TCF12: variants seen among roughly 807,000 people sequenced by gnomAD.
The protein encoded by TCF12 is transcription factor 12.
Under a neutral mutation model 86.0 loss-of-function variants are expected in TCF12, and 45 were observed. The observed-to-expected ratio is 0.52, with a 90% CI of 0.41 to 0.67. The LOEUF (loss-of-function observed/expected upper bound fraction) is 0.67, where lower values mean the gene tolerates loss of function less well. Among genes scored for constraint, TCF12 ranks in the 30% least tolerant of loss-of-function variants. The pLI is 0.00. For synonymous variants in TCF12, 330 were observed against 299.6 expected (o/e 1.10, Z -1.05); for missense variants, 881 against 859.9 (o/e 1.02, Z -0.31).
At chr15:57,261,984 T>C (rs1393025220) in intron 16 of TCF12, 110 bp from the exon 17 acceptor site, 3 of 626,060 alleles carry the variant, frequency 4.8e-6, no homozygotes, top group Admixed American at 3.5e-5. Context: ...GTTGCTGAAA[T>C]CAGATGAGTG....
chr15:57,219,597 CT>C, intron 8 of TCF12: 2 of 1,611,182 alleles, frequency 1.2e-6, no homozygotes, highest in South Asian at 2.2e-5. Flanking sequence ...AACGGTAAGC[CT>C]TTTTCTTTGT....
At chr15:56,962,209 G>A (rs2061794671) in intron 3 of TCF12, among the ~76,000 whole-genome samples, 1 of 151,704 alleles carries the variant, frequency 6.6e-6, no homozygotes, top group African/African-American at 2.4e-5. Flanking sequence ...AGCTTCAGTA[G>A]TTAATTTTAG....
rs1188467864 is a variant in TCF12 at position 57,288,692 on chromosome 15, T to A, written c.*2547T>A. On this transcript the variant is annotated 3_prime_UTR_variant, in exon 21 of 21. Coordinates refer to ENST00000333725, the MANE Select transcript of TCF12 (RefSeq NM_207037.2). ...GTGGAGCTAAGTTGGCAATCTGGTC[T>A]AGAGCTTCTCTAGCTTGTGCTTTTC... 6.6e-6 allele frequency: 1 copy of A among 152,258 alleles called. No individual in the cohort carries two copies. Among genetic ancestry groups the A allele is most frequent in the Non-Finnish European group, 1.5e-5 (1 of 68,040 alleles). 9.4% of individuals were successfully genotyped at this position (152,258 alleles called of 1,614,324 possible).
downstream of TCF12, chr15:57,289,858 C>T (rs1304459749): frequency 6.6e-6 from 1 of 152,048 alleles, no homozygotes; most frequent in Non-Finnish European, 1.5e-5. Flanking sequence ...AACCAACTCC[C>T]AGGATGATTC....
At chr15:57,021,390 C>T (rs1412378573) in intron 3 of TCF12, among the ~76,000 whole-genome samples, 11 of 152,156 alleles carry the variant, frequency 7.2e-5, no homozygotes, top group South Asian at 2.1e-4. Context: ...CGGTGGCTCA[C>T]GCCTGTAATC....
rs59793819 is a variant in TCF12 at position 57,024,216 on chromosome 15, CTTTTTTTTTT to C, written c.149-39519_149-39510del. Among the ~76,000 whole-genome samples the C allele has an allele frequency of 6.9e-3, 769 of 111,302 alleles. 14 individuals carry two copies. Among genetic ancestry groups the C allele is most frequent in the African/African-American group, 0.022 (720 of 32,026 alleles). 73.0% of individuals were successfully genotyped at this position (111,302 alleles called of 152,430 possible). On this transcript the variant is annotated intron_variant, in intron 3 of 20. Coordinates refer to ENST00000333725, the MANE Select transcript of TCF12 (RefSeq NM_207037.2). ...TGAGGACCCATACTCAAAAAAGTGT[CTTTTTTTTTT>C]TTTTTTTTTTTTTTGAGACGGAGTC... is the stretch of plus-strand genomic sequence containing the variant.
chr15:57,272,753 T>C (rs998396884), intron 18 of TCF12, among the ~76,000 whole-genome samples: 1 of 152,244 alleles, frequency 6.6e-6, no homozygotes, highest in Non-Finnish European at 1.5e-5. Flanking sequence ...GTTGATCTTA[T>C]ATTTATGAAG....
At chr15:56,953,758 T>G (rs549242878) in intron 3 of TCF12, among the ~76,000 whole-genome samples, 2 of 152,110 alleles carry the variant, frequency 1.3e-5, no homozygotes, top group Non-Finnish European at 2.9e-5. Flanking sequence ...AAATCTGTAG[T>G]GATGTTACTG....
intron 17 of TCF12, 53 bp downstream of exon 17, chr15:57,262,261 A>T (rs1474641191): frequency 8.0e-7 from 1 of 1,252,050 alleles, no homozygotes; most frequent in Non-Finnish European, 1.1e-6. Flanking sequence ...ATCATTTGGA[A>T]CACTGTCACC....
intron 13 of TCF12, 129 bp from the exon 14 acceptor site, chr15:57,251,221 A>G (rs2060101601): frequency 8.6e-6 from 6 of 699,178 alleles, no homozygotes; most frequent in South Asian, 5.9e-5. Context: ...AGCCAATACT[A>G]TGCTGAAGGC....
intron 3 of TCF12, among the ~76,000 whole-genome samples, chr15:56,942,584 CTG>C (rs1475585691): frequency 1.3e-5 from 2 of 152,226 alleles, no homozygotes; most frequent in Admixed American, 6.5e-5. Context: ...TCTTGGGAAA[CTG>C]TAGGAAAGCA....
intron 3 of TCF12, among the ~76,000 whole-genome samples, chr15:57,062,526 A>G (rs2068536505): frequency 6.6e-6 from 1 of 152,100 alleles, no homozygotes; most frequent in Non-Finnish European, 1.5e-5. Context: ...AGTCCTAATA[A>G]CTAAGTTAGT....
rs191093233 is a variant in TCF12 at position 56,976,300 on chromosome 15, G to A, written c.148+55202G>A. 4.5e-3 allele frequency among the ~76,000 whole-genome samples: 638 copies of A among 141,630 alleles called. 7 individuals carry two copies. Among genetic ancestry groups the A allele is most frequent in the Admixed American group, 0.023 (302 of 13,228 alleles). The allele number at this position is 141,630 out of a possible 152,430, so 92.9% of individuals were successfully genotyped here. A position where few individuals can be genotyped will look rare whatever the true frequency, so the allele number is the denominator to read the frequency against. ...GGCTAGCGTGCCGTGGTGCAATTTC[G>A]GCTCACTGCAACCTCTGACTTCCGG... On this transcript the variant is annotated intron_variant, in intron 3 of 20. Transcript: ENST00000333725.
intron 3 of TCF12, among the ~76,000 whole-genome samples, chr15:56,991,805 T>C (rs988913215): frequency 6.6e-6 from 1 of 152,194 alleles, no homozygotes; most frequent in South Asian, 2.1e-4. Flanking sequence ...TTTTTTTATT[T>C]AGGGAAATAA....
At chr15:57,127,113 G>T (rs1249587470) in intron 5 of TCF12, among the ~76,000 whole-genome samples, 1 of 151,602 alleles carries the variant, frequency 6.6e-6, no homozygotes, top group African/African-American at 2.4e-5. Context: ...CTCCTGAGTA[G>T]CTGGGATTAC....
intron 5 of TCF12, among the ~76,000 whole-genome samples, chr15:57,154,763 CAA>C (rs1475444049): frequency 1.3e-5 from 2 of 152,060 alleles, no homozygotes; most frequent in Non-Finnish European, 2.9e-5. Flanking sequence ...TGAAAGTATC[CAA>C]AAGTTTCCTT....
At chr15:57,194,835 G>C in intron 7 of TCF12, among the ~76,000 whole-genome samples, 1 of 152,272 alleles carries the variant, frequency 6.6e-6, no homozygotes, top group African/African-American at 2.4e-5. Context: ...GTAACTAGCT[G>C]CTATATGATG....
chr15:57,003,105 A>G (rs557723190), intron 3 of TCF12, among the ~76,000 whole-genome samples: 3 of 152,188 alleles, frequency 2.0e-5, no homozygotes, highest in Non-Finnish European at 2.9e-5. Flanking sequence ...CATTTCTGAA[A>G]ACTTTTTCTG....
intron 4 of TCF12, among the ~76,000 whole-genome samples, chr15:57,074,376 AAAAAGAT>A (rs1490406530): frequency 6.6e-6 from 1 of 152,068 alleles, no homozygotes; most frequent in Non-Finnish European, 1.5e-5. Flanking sequence ...AAAAAAAAAA[AAAAAGAT>A]GTTAGGAATT....
Sources: gnomAD v4.1 joint callset for allele counts (sites outside exome capture counted in the v4.1 genomes callset) on GRCh38, gnomAD v4.1.1 for gene constraint, MANE v1.5 for transcripts, NCBI Gene and HGNC (gene_info 2026-07-23, HGNC 2026-07-21) for gene names.